Variants in RTRAF observed in about 807,000 individuals in gnomAD.
RTRAF encodes tRNA-splicing ligase complex subunit RTRAF.
Under a neutral mutation model 34.4 loss-of-function variants are expected in RTRAF, and 14 were observed. The ratio of observed to expected loss-of-function variants is 0.41; its 90% CI spans 0.27 to 0.64. RTRAF has a LOEUF of 0.64. Ranked by LOEUF, RTRAF falls within the 30% of genes least tolerant of loss-of-function variation. The probability of loss-of-function intolerance (pLI) is 0.34; values close to 1 mark genes in which losing one functional copy is unlikely to be tolerated. For synonymous variants in RTRAF, 96 were observed against 95.3 expected, an observed-to-expected ratio of 1.01 and a Z score of -0.04; for missense variants, 291 against 288.4, an observed-to-expected ratio of 1.01 and a Z score of -0.06.
Position 51,991,302 on chromosome 14 carries a change from TA to T in RTRAF, c.62-14del, listed in dbSNP as rs745861121. On this transcript the variant is annotated splice_polypyrimidine_tract_variant and intron_variant, in intron 1 of 7. Transcript: ENST00000261700. ...GTAGTGCTTCTAGTTATTTATGTGA[TA>T]TTTTTTATTGCAGATGAAACAGAAT... The T allele has an allele frequency of 1.9e-6, 3 of 1,610,520 alleles. No homozygotes were observed. The highest frequency in any genetic ancestry group is 2.2e-5 in the East Asian group (1 of 44,798).
chr14:52,005,879 G>T lies in RTRAF; in HGVS notation c.*1363G>T. 6.7e-7 allele frequency: 1 copy of T among 1,503,752 alleles called. No homozygotes were observed. Among genetic ancestry groups the T allele is most frequent in the African/African-American group, 1.4e-5 (1 of 69,564 alleles). 93.2% of individuals were successfully genotyped at this position (1,503,752 alleles called of 1,614,324 possible). A position where few individuals can be genotyped will look rare whatever the true frequency, so the allele number is the denominator to read the frequency against. ...TAACAGAAAGGAAGAGTGAATTCAGGGACAGTCATTTACTAGATAAAGAAG... is the reference window on the plus strand; with the variant it reads ...TAACAGAAAGGAAGAGTGAATTCAGTGACAGTCATTTACTAGATAAAGAAG... On this transcript the variant is annotated 3_prime_UTR_variant, in exon 8 of 8. Coordinates refer to ENST00000261700, the MANE Select transcript of RTRAF (RefSeq NM_016039.3).
chr14:52,004,278 T>C (rs1566735199), intron 7 of RTRAF, 36 bp downstream of exon 7: 20 of 1,601,604 alleles, frequency 1.2e-5, no homozygotes, highest in Middle Eastern at 1.7e-4. Flanking sequence ...CTATTTTTTT[T>C]ACAGACTGAA....
intron 6 of RTRAF, 94 bp from the exon 7 acceptor site, chr14:52,004,100 A>G: frequency 4.7e-6 from 5 of 1,063,752 alleles, no homozygotes; most frequent in Middle Eastern, 3.0e-4. Context: ...AAGAGTTAAG[A>G]CACCAGAATA....
In RTRAF at chr14:52,005,340, C is replaced by G. The variant is rs548902803; in HGVS notation, c.*824C>G. On this transcript the variant is annotated 3_prime_UTR_variant, in exon 8 of 8. Transcript: ENST00000261700. ...TGAGGTATCAGCTTTTCACAAAAGTCTTTTTGCACTACAAAATGTTCATCT... is the reference window on the plus strand; with the variant it reads ...TGAGGTATCAGCTTTTCACAAAAGTGTTTTTGCACTACAAAATGTTCATCT... 533 of 639,874 alleles carry G rather than the reference C, an allele frequency of 8.3e-4. No homozygotes were observed. The highest frequency in any genetic ancestry group is 1.2e-3 in the Non-Finnish European group (484 of 413,010). 39.6% of individuals were successfully genotyped at this position (639,874 alleles called of 1,614,324 possible).
Position 52,007,342 on chromosome 14 carries a change from A to T in RTRAF, c.*2826A>T. On this transcript the variant is annotated 3_prime_UTR_variant, in exon 8 of 8. Coordinates refer to ENST00000261700, the MANE Select transcript of RTRAF (RefSeq NM_016039.3). Reference sequence around the variant, plus strand: ...TTCTTTAGTATAGAACTAGACACACAGCATTTTTTCAGTTGTGCTGATAAA... The same window carrying T: ...TTCTTTAGTATAGAACTAGACACACTGCATTTTTTCAGTTGTGCTGATAAA... The T allele has an allele frequency of 5.7e-6, 1 of 175,378 alleles. No homozygotes were observed. Among genetic ancestry groups the T allele is most frequent in the African/African-American group, 2.4e-5 (1 of 41,694 alleles). 10.9% of individuals were successfully genotyped at this position (175,378 alleles called of 1,614,324 possible).
At position 52,006,005 on chromosome 14, in the gene RTRAF, T is replaced by C. The variant is rs1234466629; in HGVS notation, c.*1489T>C. ...AGCCATACTGAAGTTTGAAGACCAT[T>C]GCTCTAAATCCATTGCTCATCTCTA... On this transcript the variant is annotated 3_prime_UTR_variant, in exon 8 of 8. Transcript: ENST00000261700. 2 of 623,072 alleles carry C rather than the reference T, an allele frequency of 3.2e-6. No homozygotes were observed. Among genetic ancestry groups the C allele is most frequent in the Non-Finnish European group, 5.8e-6 (2 of 344,332 alleles). The allele number at this position is 623,072 out of a possible 1,614,324, so 38.6% of individuals were successfully genotyped here.
At chr14:51,993,226 A>G (rs1467483157) in intron 2 of RTRAF, among the ~76,000 whole-genome samples, 2 of 152,116 alleles carry the variant, frequency 1.3e-5, no homozygotes, top group African/African-American at 4.8e-5. Context: ...ATTATATGCA[A>G]CATTTATTTG....
chr14:52,001,939 C>T lies in RTRAF; in HGVS notation c.531+73C>T, dbSNP rs1890607768. On this transcript the variant is annotated intron_variant, in intron 6 of 7. Coordinates refer to ENST00000261700, the MANE Select transcript of RTRAF (RefSeq NM_016039.3). ...GGTATGGCCGTGATTTTAAACTTTG[C>T]ATGTATCTGTTTAAGATATCCATTC... The T allele has an allele frequency of 4.0e-6, 5 of 1,262,724 alleles. No individual in the cohort carries two copies. The South Asian group carries it at 5.3e-5, about 13-fold the overall frequency. 78.2% of individuals were successfully genotyped at this position (1,262,724 alleles called of 1,614,324 possible). A position where few individuals can be genotyped will look rare whatever the true frequency, so the allele number is the denominator to read the frequency against.
chr14:51,998,600 A>T lies in RTRAF; in HGVS notation c.373+20A>T. On this transcript the variant is annotated intron_variant, in intron 4 of 7. Coordinates refer to ENST00000261700, the MANE Select transcript of RTRAF (RefSeq NM_016039.3). ...TGGATGGTGAGTATATAAATGCATA[A>T]CATTGAACATCAACATTTTTGGTTT... 1 of 1,452,970 alleles carries T rather than the reference A, an allele frequency of 6.9e-7. No homozygotes were observed. Among genetic ancestry groups the T allele is most frequent in the Non-Finnish European group, 9.4e-7 (1 of 1,069,420 alleles). 90.0% of individuals were successfully genotyped at this position (1,452,970 alleles called of 1,614,324 possible).
At chr14:51,999,442 CATT>C in intron 4 of RTRAF, 1 of 307,620 alleles carries the variant, frequency 3.3e-6, no homozygotes, top group East Asian at 5.4e-5. Flanking sequence ...CCACTGAACT[CATT>C]GTAAGGTCAA....
Position 52,004,524 on chromosome 14 carries a change from A to G in RTRAF, c.*8A>G. 1 of 1,609,680 alleles carries G rather than the reference A, an allele frequency of 6.2e-7. No homozygotes were observed. On this transcript the variant is annotated 3_prime_UTR_variant, in exon 8 of 8. Transcript: ENST00000261700. ...GGAAAAGTTGGAAGATGAACACTTG[A>G]GGACTTCAGCTTCTCACCTACTTAG... is the stretch of plus-strand genomic sequence containing the variant.
chr14:52,006,017 A>T lies in RTRAF; in HGVS notation c.*1501A>T. ...GTTTGAAGACCATTGCTCTAAATCC[A>T]TTGCTCATCTCTAGCTGCATGTTAG... On this transcript the variant is annotated 3_prime_UTR_variant, in exon 8 of 8. Transcript: ENST00000261700. 1.7e-6 allele frequency: 1 copy of T among 604,602 alleles called. No homozygotes were observed. The highest frequency in any genetic ancestry group is 3.0e-6 in the Non-Finnish European group (1 of 334,228). 37.5% of individuals were successfully genotyped at this position (604,602 alleles called of 1,614,324 possible). A position where few individuals can be genotyped will look rare whatever the true frequency, so the allele number is the denominator to read the frequency against.
chr14:52,005,608 A>G lies in RTRAF; in HGVS notation c.*1092A>G. ...TAAACTAGGTAGATTTAAGGTAGTA[A>G]AGACTGGCCCTCAGGGCAGGAAGAA... On this transcript the variant is annotated 3_prime_UTR_variant, in exon 8 of 8. Coordinates refer to ENST00000261700, the MANE Select transcript of RTRAF (RefSeq NM_016039.3). 1 of 1,454,212 alleles carries G rather than the reference A, an allele frequency of 6.9e-7. No individual in the cohort carries two copies. The highest frequency in any genetic ancestry group is 2.3e-5 in the East Asian group (1 of 43,968). 90.1% of individuals were successfully genotyped at this position (1,454,212 alleles called of 1,614,324 possible).
chr14:52,007,687 A>G lies in RTRAF; in HGVS notation c.*3171A>G. On this transcript the variant is annotated 3_prime_UTR_variant, in exon 8 of 8. Coordinates refer to ENST00000261700, the MANE Select transcript of RTRAF (RefSeq NM_016039.3). ...CTAGTACTTAAATTTACTAGTACTT[A>G]AAAGTTTACAGACCAAAGAAAGGAG... The G allele has an allele frequency of 1.1e-6, 1 of 918,504 alleles. No individual in the cohort carries two copies. 56.9% of individuals were successfully genotyped at this position (918,504 alleles called of 1,614,324 possible). A position where few individuals can be genotyped will look rare whatever the true frequency, so the allele number is the denominator to read the frequency against.
intron 6 of RTRAF, among the ~76,000 whole-genome samples, chr14:52,002,897 C>T (rs1447396029): frequency 1.3e-5 from 2 of 152,076 alleles, no homozygotes; most frequent in African/African-American, 4.8e-5. Context: ...CTTACTGGCT[C>T]GTTGTATATG....
rs1252178501 is a variant in RTRAF, at chr14:52,006,474, C to T, written c.*1958C>T. ...AGTCAGGTACTGACTTTTGGTAAAA[C>T]AAGTGGTGTGTCCTCTGGAACAGTT... is the stretch of plus-strand genomic sequence containing the variant. On this transcript the variant is annotated 3_prime_UTR_variant, in exon 8 of 8. Coordinates refer to ENST00000261700, the MANE Select transcript of RTRAF (RefSeq NM_016039.3). 1.9e-6 allele frequency: 3 copies of T among 1,590,514 alleles called. No individual in the cohort carries two copies. Among genetic ancestry groups the T allele is most frequent in the African/African-American group, 1.3e-5 (1 of 74,156 alleles).
At position 52,004,407 on chromosome 14, in the gene RTRAF, TAGAGGAGCTCAGAGAGCTACAGAC is replaced by T; in HGVS notation, c.628_651del (p.Glu210_Thr217del). 1 of 1,613,934 alleles carries T rather than the reference TAGAGGAGCTCAGAGAGCTACAGAC, an allele frequency of 6.2e-7. No homozygotes were observed. The highest frequency in any genetic ancestry group is 8.5e-7 in the Non-Finnish European group (1 of 1,179,896). ...GCTCAAATTCTGCGATTGCTGCACATAGAGGAGCTCAGAGAGCTACAGACAAAAATCAACGAAGCCATAGTAGCT... is the reference window on the plus strand; with the variant it reads ...GCTCAAATTCTGCGATTGCTGCACATAAAAATCAACGAAGCCATAGTAGCT... On this transcript the variant is annotated inframe_deletion, in exon 8 of 8. Transcript: ENST00000261700.
Position 52,005,636 on chromosome 14 carries a change from C to T in RTRAF, c.*1120C>T. ...ACTGGCCCTCAGGGCAGGAAGAAGG[C>T]AATGGTGGCAGTGTCACAGGCAGCA... is the stretch of plus-strand genomic sequence containing the variant. On this transcript the variant is annotated 3_prime_UTR_variant, in exon 8 of 8. Coordinates refer to ENST00000261700, the MANE Select transcript of RTRAF (RefSeq NM_016039.3). 3.7e-6 allele frequency: 5 copies of T among 1,365,246 alleles called. No homozygotes were observed. Among genetic ancestry groups the T allele is most frequent in the South Asian group, 3.5e-5 (3 of 84,822 alleles). The allele number at this position is 1,365,246 out of a possible 1,614,324, so 84.6% of individuals were successfully genotyped here.
chr14:52,001,636 T>C (rs1890603079), intron 5 of RTRAF, among the ~76,000 whole-genome samples, 162 bp from the exon 6 acceptor site: 1 of 152,198 alleles, frequency 6.6e-6, no homozygotes, highest in African/African-American at 2.4e-5. Flanking sequence ...GGTTACGTTA[T>C]ATTAGTGGGT....
Sources: gnomAD v4.1 joint callset for allele counts (sites outside exome capture counted in the v4.1 genomes callset) on GRCh38, gnomAD v4.1.1 for gene constraint, MANE v1.5 for transcripts, NCBI Gene and HGNC (gene_info 2026-07-23, HGNC 2026-07-21) for gene names.